The following KCNT1 variants were observed in gnomAD, a reference collection of about 807,000 sequenced individuals.
KCNT1 encodes potassium channel subfamily T member 1.
KCNT1 carries 78 observed loss-of-function variants against 147.8 expected under a neutral mutation model. The observed-to-expected ratio is 0.53, with a 90% CI of 0.44 to 0.64. The LOEUF (loss-of-function observed/expected upper bound fraction) is 0.64, where lower values mean the gene tolerates loss of function less well. Ranked by LOEUF, KCNT1 falls within the 30% of genes least tolerant of loss-of-function variation. KCNT1 has a pLI of 0.00. For synonymous variants in KCNT1, 867 were observed against 748.8 expected (o/e 1.16, Z -2.58); for missense variants, 1,419 against 1,750.3 (o/e 0.81, Z 3.38).
At chr9:135,703,878 G>A (rs1835136857) in intron 1 of KCNT1, among the ~76,000 whole-genome samples, 1 of 152,204 alleles carries the variant, frequency 6.6e-6, no homozygotes, top group African/African-American at 2.4e-5. Flanking sequence ...CACCGGCCCG[G>A]GACAGCTCCT....
chr9:135,759,375 G>A (rs1831744589), intron 10 of KCNT1, among the ~76,000 whole-genome samples: 2 of 151,752 alleles, frequency 1.3e-5, no homozygotes, highest in Admixed American at 1.3e-4. Context: ...CAGGGACCTA[G>A]GAGAGAGCCA....
Position 135,786,268 on chromosome 9 carries a change from T to A in KCNT1, c.3249T>A (p.Ala1083=). The A allele has an allele frequency of 2.5e-6, 4 of 1,610,322 alleles. No homozygotes were observed. The highest frequency in any genetic ancestry group is 3.4e-6 in the Non-Finnish European group (4 of 1,179,120). Residue 1083 remains alanine, a synonymous_variant, in exon 29 of 31, where the codon GCT becomes GCA. Transcript: ENST00000371757. ...TGAAGGGGCCCTGGGGCTCCCGCGC[T>A]GGCACCGGAGGCAGCTCCCAGGGCC... ...REVKGPWGSR[A]GTGGSSQGRH...
chr9:135,772,430 C>T (rs1467878994), intron 18 of KCNT1, among the ~76,000 whole-genome samples: 1 of 152,194 alleles, frequency 6.6e-6, no homozygotes, highest in Non-Finnish European at 1.5e-5. Flanking sequence ...AGCCAACCCC[C>T]TCCTCAGGCA....
intron 2 of KCNT1, among the ~76,000 whole-genome samples, chr9:135,733,801 C>T (rs946281592): frequency 6.5e-4 from 96 of 148,198 alleles, no homozygotes; most frequent in Middle Eastern, 3.5e-3. Context: ...TAGCACCAGG[C>T]GTGGGTGCCC....
chr9:135,766,104 G>A (rs1009081693), intron 13 of KCNT1, among the ~76,000 whole-genome samples: 28 of 151,716 alleles, frequency 1.8e-4, no homozygotes, highest in African/African-American at 5.8e-4. Flanking sequence ...GTCTGGGGTG[G>A]ACCATTCAGG....
intron 28 of KCNT1, 34 bp from the exon 29 acceptor site, chr9:135,786,163 C>T (rs1356797741): frequency 1.3e-6 from 2 of 1,550,018 alleles, no homozygotes; most frequent in Non-Finnish European, 1.7e-6. Flanking sequence ...GCAGCCTCAC[C>T]CCTCCCCGCC....
Position 135,732,024 on chromosome 9 carries a change from A to AGAGAGAGAGAGAGAGAGAGAGG in KCNT1, c.254+17321_254+17322insAGAGGGAGAGAGAGAGAGAGAG, listed in dbSNP as rs1554766187. On this transcript the variant is annotated intron_variant, in intron 2 of 30. Coordinates refer to ENST00000371757, the MANE Select transcript of KCNT1 (RefSeq NM_020822.3). The stretch of plus-strand genomic sequence containing the variant: ...GAGAGAGAGAGAGAGAGAGAGAGAG[A>AGAGAGAGAGAGAGAGAGAGAGG]GAGAGAGAGAGAGAGAGGGAGTCTC... Among the ~76,000 whole-genome samples, 611 of 64,918 alleles carry AGAGAGAGAGAGAGAGAGAGAGG rather than the reference A, an allele frequency of 9.4e-3. 56 individuals are homozygous for AGAGAGAGAGAGAGAGAGAGAGG. The highest frequency in any genetic ancestry group is 0.025 in the East Asian group (40 of 1,622). The allele number at this position is 64,918 out of a possible 152,430, so 42.6% of individuals were successfully genotyped here.
At chr9:135,728,417 G>A (rs202025605) in intron 2 of KCNT1, among the ~76,000 whole-genome samples, 13 of 152,358 alleles carry the variant, frequency 8.5e-5, no homozygotes, top group African/African-American at 2.9e-4. Flanking sequence ...CAAGCCACCC[G>A]CAGGCCCCTC....
intron 2 of KCNT1, among the ~76,000 whole-genome samples, chr9:135,728,089 C>T (rs1470648076): frequency 6.6e-6 from 1 of 152,190 alleles, no homozygotes; most frequent in Non-Finnish European, 1.5e-5. Flanking sequence ...AGGAGATGGC[C>T]GTGTGAAGGC....
intron 29 of KCNT1, chr9:135,789,657 G>A (rs1834350541): frequency 6.6e-6 from 1 of 152,312 alleles, no homozygotes; most frequent in African/African-American, 2.4e-5. Context: ...CAGGAGGTCT[G>A]GAAGCCTCTG....
chr9:135,749,695 C>T (rs983877900), intron 2 of KCNT1, among the ~76,000 whole-genome samples: 1 of 152,248 alleles, frequency 6.6e-6, no homozygotes, highest in Admixed American at 6.5e-5. Flanking sequence ...ATGTTCTGAG[C>T]ACTTGCGGTG....
chr9:135,792,159 T>C lies in KCNT1; in HGVS notation c.3706T>C (p.Ter1236ArgextTer30). The C allele has an allele frequency of 6.2e-7, 1 of 1,604,922 alleles. No homozygotes were observed. Among genetic ancestry groups the C allele is most frequent in the Non-Finnish European group, 8.5e-7 (1 of 1,179,476 alleles). The change falls in exon 31 of 31, where the codon TGA (stop) becomes CGA (arginine). Residue 1236 changes from the stop codon to arginine (R), a stop_lost. Coordinates refer to ENST00000371757, the MANE Select transcript of KCNT1 (RefSeq NM_020822.3). ...CGAGACTCGCGACGAGACACAGCTC[T>C]GAGCCAGCCCTGCACGGAGCTCAGG... ...NPETRDETQL[*>R]
chr9:135,777,608 G>A, intron 21 of KCNT1, 98 bp downstream of exon 21: 1 of 1,201,638 alleles, frequency 8.3e-7, no homozygotes, highest in Non-Finnish European at 1.2e-6. Flanking sequence ...CTTTGCAGAG[G>A]GCACGGGAAC....
chr9:135,785,865 C>T (rs950809759), intron 28 of KCNT1: 6 of 461,598 alleles, frequency 1.3e-5, no homozygotes, highest in Non-Finnish European at 2.3e-5. Flanking sequence ...TGCTGGGGTC[C>T]AGATGGGTCC....
In KCNT1 at chr9:135,791,848, C is replaced by T. The variant is rs544495873; in HGVS notation, c.3554C>T (p.Pro1185Leu). Residue 1185 changes from proline (P) to leucine (L), a missense_variant, in exon 30 of 31, where the codon CCG (proline) becomes CTG (leucine). Around this residue, in one of 5 missense-constraint regions of KCNT1, gnomAD observed 306 missense variants for 294.2 expected, o/e 1.04. Transcript: ENST00000371757. ...CTCTCCTACGTCCTCATCAACCCTCCGCCCGACACGAGGCTGGAGCCCAGT... is the reference window on the plus strand; with the variant it reads ...CTCTCCTACGTCCTCATCAACCCTCTGCCCGACACGAGGCTGGAGCCCAGT... ...NTLSYVLINP[P>L]PDTRLEPSDI... The T allele has an allele frequency of 2.4e-5, 39 of 1,613,834 alleles. No individual in the cohort carries two copies. Among genetic ancestry groups the T allele is most frequent in the Admixed American group, 5.0e-5 (3 of 59,998 alleles).
intron 2 of KCNT1, among the ~76,000 whole-genome samples, chr9:135,738,910 T>C (rs1830448772): frequency 6.6e-6 from 1 of 152,132 alleles, no homozygotes; most frequent in Admixed American, 6.5e-5. Flanking sequence ...CAGGAGACCA[T>C]CACTGCAAAG....
At chr9:135,740,526 G>T (rs556547539) in intron 2 of KCNT1, among the ~76,000 whole-genome samples, 18 of 152,326 alleles carry the variant, frequency 1.2e-4, no homozygotes, top group Middle Eastern at 6.8e-3. Context: ...GTCAAGTGGG[G>T]ATGGCCCCTC....
At chr9:135,750,894 G>T (rs767947203) in intron 3 of KCNT1, 48 bp from the exon 4 acceptor site, 10 of 1,575,016 alleles carry the variant, frequency 6.3e-6, no homozygotes, top group Non-Finnish European at 7.8e-6. Context: ...CCTGCTCCCC[G>T]AAGCCCAGAG....
chr9:135,783,072 G>A (rs879434072), intron 24 of KCNT1, among the ~76,000 whole-genome samples: 5 of 152,226 alleles, frequency 3.3e-5, no homozygotes, highest in Non-Finnish European at 7.3e-5. Flanking sequence ...GTGCACACTT[G>A]CTTGGAGGCC....
Sources: allele counts gnomAD v4.1 joint callset (sites outside exome capture counted in the v4.1 genomes callset), GRCh38; gene constraint gnomAD v4.1.1; regional missense constraint gnomAD v4.1.1; transcripts MANE v1.5; gene names NCBI Gene and HGNC (gene_info 2026-07-23, HGNC 2026-07-21).